The following KCNAB2 variants were observed in gnomAD, a reference collection of about 807,000 sequenced individuals.
The protein encoded by KCNAB2 is voltage-gated potassium channel subunit beta-2.
Under a neutral mutation model 63.6 loss-of-function variants are expected in KCNAB2, and 29 were observed. The observed-to-expected ratio is 0.46, with a 90% CI of 0.34 to 0.62. The LOEUF is 0.62. Ranked by LOEUF, KCNAB2 falls within the 20% of genes least tolerant of loss-of-function variation. The pLI is 0.01. For missense variants in KCNAB2, 359 were observed against 563.9 expected (o/e 0.64, Z 3.68); for synonymous variants, 222 against 224.2 (o/e 0.99, Z 0.09).
chr1:6,030,633 G>A (rs570314090), upstream of KCNAB2, among the ~76,000 whole-genome samples: 41 of 143,682 alleles, frequency 2.9e-4, no homozygotes, highest in South Asian at 9.3e-3. Context: ...GTGTATGTGT[G>A]TGTAGGTATG....
Position 6,070,635 on chromosome 1 carries a change from C to A in KCNAB2, c.219-2120C>A, listed in dbSNP as rs79973606. Among the ~76,000 whole-genome samples, 278 of 152,338 alleles carry A rather than the reference C, an allele frequency of 1.8e-3. 6 individuals carry two copies. The East Asian group carries it at 0.043, about 23-fold the overall frequency. ...ATAAAGAAAAGGTTACCCTCCTGCT[C>A]TCTTTGGGAAATGAGACACATGTGA... is the stretch of plus-strand genomic sequence containing the variant. On this transcript the variant is annotated intron_variant, in intron 2 of 15. Coordinates refer to ENST00000378083, the MANE Select transcript of KCNAB2 (RefSeq NM_001199862.2).
intron 10 of KCNAB2, among the ~76,000 whole-genome samples, chr1:6,091,566 T>C (rs1018377339): frequency 8.0e-5 from 12 of 150,816 alleles, no homozygotes; most frequent in Non-Finnish European, 1.0e-4. Context: ...CTTGCACTGC[T>C]GAGCTCCGCG....
chr1:6,021,850 G>GCAGTGGTATTGAGGGTATGGTT (rs1287722386), intron 1 of KCNAB2, among the ~76,000 whole-genome samples: 3 of 141,122 alleles, frequency 2.1e-5, no homozygotes, highest in Admixed American at 7.1e-5. Flanking sequence ...AGGGTAAAGT[G>GCAGTGGTATTGAGGGTATGGTT]CAGTGGTATT....
rs188498242 is a variant in KCNAB2 at position 6,086,093 on chromosome 1, C to T, written c.425+845C>T. 818 of 985,404 alleles carry T rather than the reference C, an allele frequency of 8.3e-4. 3 individuals carry two copies. The Middle Eastern group carries it at 9.4e-3, about 11-fold the overall frequency. 61.0% of individuals were successfully genotyped at this position (985,404 alleles called of 1,614,324 possible). A position where few individuals can be genotyped will look rare whatever the true frequency, so the allele number is the denominator to read the frequency against. On this transcript the variant is annotated intron_variant, in intron 6 of 15. Transcript: ENST00000378083. The surrounding 1 kb of genome is among the most constrained non-coding windows in gnomAD (Gnocchi z 4.2). ...AGGCTCCCCAGACCCCTGGACACAG[C>T]TTTATCTCAAGGTGCTGACAAGCCC...
chr1:6,040,441 G>C (rs1015335716), intron 1 of KCNAB2: 1 of 782,436 alleles, frequency 1.3e-6, no homozygotes, highest in Non-Finnish European at 2.2e-6. Context: ...TGTGATCCCA[G>C]AGTCTCCCGG....
At chr1:6,090,241 T>G in intron 8 of KCNAB2, 148 bp from the exon 9 acceptor site, 71 of 554,956 alleles carry the variant, frequency 1.3e-4, no homozygotes, top group East Asian at 4.5e-4. Context: ...TGCCGTGGCA[T>G]TTCACGACCT....
intron 1 of KCNAB2, among the ~76,000 whole-genome samples, chr1:6,051,071 G>C (rs1412995115): frequency 2.0e-5 from 3 of 152,212 alleles, no homozygotes; most frequent in Non-Finnish European, 2.9e-5. Context: ...GACAGCTTTT[G>C]ACCCAGTTTT....
intron 2 of KCNAB2, among the ~76,000 whole-genome samples, chr1:6,064,553 G>T (rs914849889): frequency 6.6e-6 from 1 of 152,212 alleles, no homozygotes; most frequent in Non-Finnish European, 1.5e-5. Flanking sequence ...TAGGGAGAAG[G>T]GTAGGGGGCA....
intron 1 of KCNAB2, among the ~76,000 whole-genome samples, chr1:6,018,133 T>C (rs1039599506): frequency 2.6e-5 from 4 of 151,974 alleles, no homozygotes; most frequent in African/African-American, 9.7e-5. Context: ...GGTGTCTCAC[T>C]GTGTTGCCCA....
upstream of KCNAB2, among the ~76,000 whole-genome samples, chr1:6,040,924 T>C (rs1660448648): frequency 6.6e-6 from 1 of 152,222 alleles, no homozygotes; most frequent in African/African-American, 2.4e-5. Flanking sequence ...TTCCGAAATA[T>C]CTCGTTTGAG....
In KCNAB2 at chr1:6,096,613, C is replaced by G; in HGVS notation, c.949-23C>G. 6.2e-7 allele frequency: 1 copy of G among 1,605,870 alleles called. No individual in the cohort carries two copies. Among genetic ancestry groups the G allele is most frequent in the Non-Finnish European group, 8.5e-7 (1 of 1,176,560 alleles). On this transcript the variant is annotated intron_variant, in intron 13 of 15. Coordinates refer to ENST00000378083, the MANE Select transcript of KCNAB2 (RefSeq NM_001199862.2). This position sits in a 1 kb window ranked among gnomAD's most constrained non-coding sequence, Gnocchi z 5.9. Reference sequence around the variant, plus strand: ...TGACCTGCTCTCATCTGTAGCTGTGCTGCTCCCCTCCCCCGCAACCAGGGC... The same window carrying G: ...TGACCTGCTCTCATCTGTAGCTGTGGTGCTCCCCTCCCCCGCAACCAGGGC...
At chr1:6,063,490 A>C (rs536087013) in intron 2 of KCNAB2, among the ~76,000 whole-genome samples, 1 of 133,082 alleles carries the variant, frequency 7.5e-6, no homozygotes, top group Non-Finnish European at 1.7e-5. Context: ...GCTCACTGCA[A>C]CCTCCACCTC....
At chr1:6,017,684 G>A (rs1296721039) in intron 1 of KCNAB2, among the ~76,000 whole-genome samples, 7 of 151,970 alleles carry the variant, frequency 4.6e-5, no homozygotes, top group African/African-American at 1.5e-4. Flanking sequence ...CCAGCTACTC[G>A]AGAGGCTGAG....
chr1:6,005,394 GGAGCTGAGCTGAGGGGT>G (rs1557922399), intron 1 of KCNAB2, among the ~76,000 whole-genome samples: 1 of 96,234 alleles, frequency 1.0e-5, no homozygotes. Context: ...GGGGGATGTG[GGAGCTGAGCTGAGGGGT>G]GGGGGTGGAG....
upstream of KCNAB2, among the ~76,000 whole-genome samples, chr1:6,030,773 GAT>G (rs1326475371): frequency 2.1e-5 from 3 of 143,816 alleles, no homozygotes; most frequent in South Asian, 4.5e-4. Flanking sequence ...CGTGTGTGTA[GAT>G]ATGTGTGTGT....
At chr1:6,089,207 C>G (rs56365979) in intron 8 of KCNAB2, among the ~76,000 whole-genome samples, 156 bp downstream of exon 8, 10 of 152,250 alleles carry the variant, frequency 6.6e-5, no homozygotes, top group African/African-American at 1.9e-4. Flanking sequence ...CTCCTTCCAC[C>G]CAGGTAGCAC....
chr1:6,090,505 A>G, intron 9 of KCNAB2, 30 bp downstream of exon 9: 1 of 1,576,754 alleles, frequency 6.3e-7, no homozygotes, highest in African/African-American at 1.3e-5. Flanking sequence ...GCCACCGGTT[A>G]GGCCTGGGCG....
At chr1:6,042,836 A>ACCC (rs1557442488), upstream of KCNAB2, among the ~76,000 whole-genome samples, 11 of 11,832 alleles carry the variant, frequency 9.3e-4, no homozygotes, top group South Asian at 3.9e-3. Flanking sequence ...CCGCGCCCCC[A>ACCC]CTCCCCACCC....
chr1:6,069,578 T>A lies in KCNAB2; in HGVS notation c.219-3177T>A, dbSNP rs1455471213. Among the ~76,000 whole-genome samples the A allele has an allele frequency of 6.6e-6, 1 of 152,178 alleles. No homozygotes were observed. Among genetic ancestry groups the A allele is most frequent in the East Asian group, 1.9e-4 (1 of 5,192 alleles). ...GTTGACCACCTGCTTCATTAGGATGTCAGGTTTCAACGATGGGGAAGAAAT... is the reference window on the plus strand; with the variant it reads ...GTTGACCACCTGCTTCATTAGGATGACAGGTTTCAACGATGGGGAAGAAAT... On this transcript the variant is annotated intron_variant, in intron 2 of 15. Transcript: ENST00000378083. The surrounding 1 kb of genome is among the most constrained non-coding windows in gnomAD (Gnocchi z 5.4).
Sources: gnomAD v4.1 joint callset for allele counts (sites outside exome capture counted in the v4.1 genomes callset) on GRCh38, gnomAD v4.1.1 for gene constraint, Gnocchi (gnomAD v3.1) non-coding constraint, MANE v1.5 for transcripts, NCBI Gene and HGNC (gene_info 2026-07-23, HGNC 2026-07-21) for gene names.